The following ASB5 variants were observed in gnomAD, a reference collection of about 807,000 sequenced individuals.
ASB5 encodes the protein ankyrin repeat and SOCS box containing 5.
Under a neutral mutation model 42.1 loss-of-function variants are expected in ASB5, and 45 were observed. That is an observed-to-expected ratio of 1.07 (90% CI 0.84 to 1.37). ASB5 has a LOEUF of 1.37. Ranked by LOEUF, ASB5 falls within the 40% of genes most tolerant of loss-of-function variation. The pLI is 0.00. For synonymous variants in ASB5, 147 were observed against 150.6 expected (o/e 0.98, Z 0.18); for missense variants, 402 against 399.8 (o/e 1.01, Z -0.05).
chr4:176,226,823 C>A (rs566526469), intron 1 of ASB5, among the ~76,000 whole-genome samples: 30 of 152,348 alleles, frequency 2.0e-4, no homozygotes, highest in East Asian at 1.4e-3. Context: ...CTTGCCTGGG[C>A]TCTGCGGTGT....
At chr4:176,259,397 A>T (rs887348705) in intron 1 of ASB5, among the ~76,000 whole-genome samples, 1 of 152,204 alleles carries the variant, frequency 6.6e-6, no homozygotes, top group East Asian at 1.9e-4. Context: ...TAGTGAATGA[A>T]GTAGAATTTG....
At chr4:176,273,368 A>G (rs1042152238), upstream of ASB5, among the ~76,000 whole-genome samples, 10 of 152,176 alleles carry the variant, frequency 6.6e-5, no homozygotes, top group African/African-American at 2.4e-4. Flanking sequence ...AGAAAAAAGT[A>G]TGCAAGTTGT....
intron 5 of ASB5, among the ~76,000 whole-genome samples, chr4:176,220,886 C>A (rs1753184563): frequency 6.6e-6 from 1 of 152,230 alleles, no homozygotes; most frequent in South Asian, 2.1e-4. Context: ...CCATTACATA[C>A]CCAAATGTCT....
intron 1 of ASB5, among the ~76,000 whole-genome samples, chr4:176,233,644 G>C (rs997349286): frequency 6.6e-6 from 1 of 152,136 alleles, no homozygotes; most frequent in Non-Finnish European, 1.5e-5. Flanking sequence ...TTTTGGCCCA[G>C]TGTTTTTTTC....
chr4:176,243,565 C>T (rs1753852191), intron 1 of ASB5, among the ~76,000 whole-genome samples: 1 of 151,898 alleles, frequency 6.6e-6, no homozygotes, highest in Admixed American at 6.6e-5. Context: ...TGCGATGGCA[C>T]AATCTCGGCT....
chr4:176,231,827 AGAGT>A (rs1322507436), intron 1 of ASB5, among the ~76,000 whole-genome samples: 2 of 131,774 alleles, frequency 1.5e-5, no homozygotes, highest in African/African-American at 5.7e-5. Flanking sequence ...CTTGGGCAAC[AGAGT>A]GAGACTCTGT....
At chr4:176,224,610 T>C (rs543155468) in intron 2 of ASB5, among the ~76,000 whole-genome samples, 12 of 151,936 alleles carry the variant, frequency 7.9e-5, no homozygotes, top group Non-Finnish European at 1.8e-4. Flanking sequence ...TGACCTCAGG[T>C]GATCCACCTG....
chr4:176,230,393 G>T (rs762700626), intron 1 of ASB5, among the ~76,000 whole-genome samples: 4 of 152,048 alleles, frequency 2.6e-5, no homozygotes, highest in Non-Finnish European at 5.9e-5. Flanking sequence ...ACCAACAACT[G>T]CTGTTATATT....
At position 176,222,436 on chromosome 4, in the gene ASB5, T is replaced by A; in HGVS notation, c.277-16A>T. ...CATTATAACCCTAAATGTGGCATAATTTTGAAAGGTGAGCAAAGAGTTATA... is the reference window on the plus strand; with the variant it reads ...CATTATAACCCTAAATGTGGCATAAATTTGAAAGGTGAGCAAAGAGTTATA... On this transcript the variant is annotated splice_polypyrimidine_tract_variant and intron_variant, in intron 2 of 6. Coordinates refer to ENST00000296525, the MANE Select transcript of ASB5 (RefSeq NM_080874.4). 1.3e-6 allele frequency: 2 copies of A among 1,591,324 alleles called. No individual in the cohort carries two copies. The highest frequency in any genetic ancestry group is 1.7e-6 in the Non-Finnish European group (2 of 1,159,940).
chr4:176,244,232 T>C (rs1431025980), intron 1 of ASB5, among the ~76,000 whole-genome samples: 1 of 152,180 alleles, frequency 6.6e-6, no homozygotes, highest in African/African-American at 2.4e-5. Context: ...GACTCAAGCA[T>C]TAAGGAGAGC....
chr4:176,273,393 C>T (rs1754510498), upstream of ASB5, among the ~76,000 whole-genome samples: 2 of 151,922 alleles, frequency 1.3e-5, no homozygotes, highest in Admixed American at 1.3e-4. Context: ...GTAATATATT[C>T]ACTATTGCAT....
intron 1 of ASB5, among the ~76,000 whole-genome samples, chr4:176,266,802 G>C (rs1470719816): frequency 6.6e-6 from 1 of 152,016 alleles, no homozygotes; most frequent in Non-Finnish European, 1.5e-5. Context: ...TCCAGGAAAA[G>C]TGTTTCCTAT....
chr4:176,221,724 A>G (rs1355172967), intron 3 of ASB5, 124 bp from the exon 4 acceptor site: 17 of 890,496 alleles, frequency 1.9e-5, no homozygotes, highest in Non-Finnish European at 2.6e-5. Flanking sequence ...CACATTAAAT[A>G]TGACAAAGTA....
intron 1 of ASB5, among the ~76,000 whole-genome samples, chr4:176,250,204 T>C (rs1754007022): frequency 6.6e-6 from 1 of 152,174 alleles, no homozygotes; most frequent in Non-Finnish European, 1.5e-5. Context: ...TTCGGTCAAG[T>C]ACATTTACGT....
intron 1 of ASB5, among the ~76,000 whole-genome samples, chr4:176,231,402 T>C (rs1753539382): frequency 6.8e-6 from 1 of 147,864 alleles, no homozygotes; most frequent in South Asian, 2.2e-4. Flanking sequence ...TGATCACTCC[T>C]CTTTATTTGA....
In ASB5 at chr4:176,241,332, T is replaced by C; in HGVS notation, c.197-15991A>G. ...ATCTTTTTATTTCTGAACGTCATTT[T>C]AAAAGTGTAAGTTTCCCATCCTTAG... is the stretch of plus-strand genomic sequence containing the variant. On this transcript the variant is annotated intron_variant, in intron 1 of 6. Transcript: ENST00000296525. 8.2e-6 allele frequency: 6 copies of C among 731,292 alleles called. No homozygotes were observed. The South Asian group carries it at 1.4e-4, about 17-fold the overall frequency. 45.3% of individuals were successfully genotyped at this position (731,292 alleles called of 1,614,324 possible). A position where few individuals can be genotyped will look rare whatever the true frequency, so the allele number is the denominator to read the frequency against.
At chr4:176,256,271 C>G (rs1754154033) in intron 1 of ASB5, among the ~76,000 whole-genome samples, 1 of 152,208 alleles carries the variant, frequency 6.6e-6, no homozygotes, top group African/African-American at 2.4e-5. Flanking sequence ...AATTTTCCCA[C>G]TGTTTTTATT....
intron 1 of ASB5, among the ~76,000 whole-genome samples, chr4:176,231,822 G>A (rs1438364938): frequency 1.4e-5 from 2 of 146,752 alleles, no homozygotes; most frequent in African/African-American, 5.1e-5. Context: ...TCCAGCTTGG[G>A]CAACAGAGTG....
At chr4:176,251,792 C>A (rs1754041644) in intron 1 of ASB5, among the ~76,000 whole-genome samples, 2 of 151,390 alleles carry the variant, frequency 1.3e-5, no homozygotes, top group African/African-American at 4.8e-5. Flanking sequence ...ATAGGACCAG[C>A]ATGATTGCTC....
Sources: allele counts gnomAD v4.1 joint callset (sites outside exome capture counted in the v4.1 genomes callset), GRCh38; gene constraint gnomAD v4.1.1; transcripts MANE v1.5; gene names NCBI Gene and HGNC (gene_info 2026-07-23, HGNC 2026-07-21).